Variants in SIL1 observed in about 807,000 individuals in gnomAD.
SIL1 encodes nucleotide exchange factor SIL1.
A neutral mutation model predicts 49.1 loss-of-function variants in SIL1; 40 were observed. The ratio of observed to expected loss-of-function variants is 0.81; its 90% CI spans 0.63 to 1.06. SIL1 has a LOEUF of 1.06. SIL1 is among the 50% of genes least tolerant of loss of function. The pLI, the probability that SIL1 is intolerant of heterozygous loss-of-function variation, is 0.00. For synonymous variants in SIL1, 253 were observed against 250.8 expected (o/e 1.01, Z -0.08); for missense variants, 500 against 572.6 (o/e 0.87, Z 1.29).
chr5:138,954,245 T>G (rs1766850743), intron 7 of SIL1, among the ~76,000 whole-genome samples: 1 of 152,248 alleles, frequency 6.6e-6, no homozygotes, highest in South Asian at 2.1e-4. Flanking sequence ...AAGTCTGACC[T>G]TTTGTAAATT....
intron 7 of SIL1, among the ~76,000 whole-genome samples, chr5:138,955,595 C>T (rs1766884893): frequency 6.6e-6 from 1 of 152,240 alleles, no homozygotes; most frequent in Non-Finnish European, 1.5e-5. Context: ...ACAGGGAAGG[C>T]AGCCCAGCTC....
intron 3 of SIL1, among the ~76,000 whole-genome samples, chr5:139,095,298 C>G (rs1299019164): frequency 7.0e-6 from 1 of 143,578 alleles, no homozygotes; most frequent in African/African-American, 2.6e-5. Flanking sequence ...GCATCTCACT[C>G]TGTCTCCCAG....
Position 138,947,507 on chromosome 5 carries a change from TG to T in SIL1, c.1030-35del. ...CGCCACAGCCGCAGGCCAGGTAGGG[TG>T]GGGGTGGGGAGAGAACACACAGGGA... On this transcript the variant is annotated intron_variant, in intron 9 of 9. Coordinates refer to ENST00000394817, the MANE Select transcript of SIL1 (RefSeq NM_022464.5). This position sits in a 1 kb window ranked among gnomAD's most constrained non-coding sequence, Gnocchi z 4.1. The T allele has an allele frequency of 6.3e-7, 1 of 1,589,248 alleles. No individual in the cohort carries two copies. Among genetic ancestry groups the T allele is most frequent in the South Asian group, 1.1e-5 (1 of 90,488 alleles).
At chr5:139,141,866 A>G (rs895193873) in intron 1 of SIL1, among the ~76,000 whole-genome samples, 3 of 152,260 alleles carry the variant, frequency 2.0e-5, no homozygotes, top group African/African-American at 4.8e-5. Flanking sequence ...CATTATTTTC[A>G]GCACAGAACC....
intron 4 of SIL1, among the ~76,000 whole-genome samples, chr5:139,049,671 A>G (rs1315849262): frequency 2.6e-5 from 4 of 152,132 alleles, no homozygotes; most frequent in African/African-American, 7.2e-5. Context: ...ACACACCTGT[A>G]GCCCCAGCCT....
At chr5:138,991,168 G>A (rs754400243) in intron 7 of SIL1, among the ~76,000 whole-genome samples, 4 of 152,220 alleles carry the variant, frequency 2.6e-5, no homozygotes, top group African/African-American at 4.8e-5. Flanking sequence ...GTTTTCTGGC[G>A]TGTTGGCCAG....
Position 138,951,308 on chromosome 5 carries a change from G to A in SIL1, c.892C>T (p.Arg298Cys), listed in dbSNP as rs372178659. 29 of 1,558,116 alleles carry A rather than the reference G, an allele frequency of 1.9e-5. No homozygotes were observed. The highest frequency in any genetic ancestry group is 4.7e-5 in the South Asian group (4 of 84,556). The change falls in exon 9 of 10, where the codon CGC becomes TGC. Residue 298 changes from arginine (R) to cysteine (C), a missense_variant. Transcript: ENST00000394817. The part of the protein sequence containing the change: ...KVLFALCSLL[R>C]HFPYAQRQFL... ...TGCCGCTGGGCATAGGGGAAGTGGC[G>A]CAGCAGGGAGCACAGTGCAAACAGG...
chr5:139,035,575 A>G, intron 5 of SIL1: 2 of 465,640 alleles, frequency 4.3e-6, no homozygotes, highest in South Asian at 3.3e-5. Context: ...GCCAGATACC[A>G]GCAATGATAC....
At chr5:139,106,880 A>T (rs1770724639) in intron 3 of SIL1, among the ~76,000 whole-genome samples, 1 of 152,234 alleles carries the variant, frequency 6.6e-6, no homozygotes, top group African/African-American at 2.4e-5. Context: ...AAAGGCTTGA[A>T]ATTATTTTTC....
chr5:139,081,562 C>T (rs772543195), intron 3 of SIL1, among the ~76,000 whole-genome samples: 40 of 152,286 alleles, frequency 2.6e-4, no homozygotes, highest in African/African-American at 6.0e-4. Context: ...ATGGAGCCTC[C>T]GTAGACTATG....
intron 7 of SIL1, chr5:139,013,412 AG>A (rs1200064141): frequency 3.9e-5 from 6 of 152,242 alleles, no homozygotes; most frequent in Admixed American, 3.9e-4. Context: ...ATGGCCCCTA[AG>A]CTTTGTCTCT....
chr5:139,169,267 TACA>T (rs1249895722), intron 1 of SIL1, among the ~76,000 whole-genome samples: 1 of 152,110 alleles, frequency 6.6e-6, no homozygotes, highest in East Asian at 1.9e-4. Flanking sequence ...ACCTTAAGTT[TACA>T]CCTGAGGCTG....
At chr5:139,156,981 G>T (rs1395444218) in intron 1 of SIL1, among the ~76,000 whole-genome samples, 1 of 152,184 alleles carries the variant, frequency 6.6e-6, no homozygotes, top group East Asian at 1.9e-4. Flanking sequence ...CCTGTGCCTT[G>T]CTCCTTTTCT....
chr5:139,180,737 C>T (rs181106838), intron 1 of SIL1, among the ~76,000 whole-genome samples: 34 of 152,282 alleles, frequency 2.2e-4, no homozygotes, highest in Non-Finnish European at 4.1e-4. Context: ...GTGATGAAGT[C>T]TCTGCATTTC....
At position 139,172,194 on chromosome 5, in the gene SIL1, A is replaced by T. The variant is rs546055126; in HGVS notation, c.-11+26075T>A. Among the ~76,000 whole-genome samples the T allele has an allele frequency of 2.1e-3, 314 of 152,378 alleles. 1 individual carries two copies. The highest frequency in any genetic ancestry group is 7.3e-3 in the African/African-American group (304 of 41,594). On this transcript the variant is annotated intron_variant, in intron 1 of 9. Transcript: ENST00000394817. ...TAAGTAGCAGAGAGAACATTTGAAA[A>T]TATAATGGTACAAAATTTCCCAAAT...
At chr5:138,959,887 G>C (rs1766981638) in intron 7 of SIL1, among the ~76,000 whole-genome samples, 1 of 152,220 alleles carries the variant, frequency 6.6e-6, no homozygotes, top group African/African-American at 2.4e-5. Context: ...GGCCTGCCTA[G>C]GTCAAATCCC....
At chr5:139,165,412 G>C (rs1003853583) in intron 1 of SIL1, among the ~76,000 whole-genome samples, 1 of 150,794 alleles carries the variant, frequency 6.6e-6, no homozygotes, top group African/African-American at 2.4e-5. Context: ...ACAAATGTGT[G>C]ATCTCGGCTC....
intron 1 of SIL1, among the ~76,000 whole-genome samples, chr5:139,149,911 C>T (rs765526010): frequency 6.6e-6 from 1 of 152,080 alleles, no homozygotes; most frequent in Non-Finnish European, 1.5e-5. Context: ...TAGCTCACTG[C>T]ACTGTCTTAG....
At chr5:139,042,749 G>A in intron 4 of SIL1, 30 bp from the exon 5 acceptor site, 1 of 1,599,022 alleles carries the variant, frequency 6.3e-7, no homozygotes, top group Non-Finnish European at 8.6e-7. Context: ...AGTAAAGAGG[G>A]AGGCATGGCT....
Sources: gnomAD v4.1 joint callset for allele counts (sites outside exome capture counted in the v4.1 genomes callset) on GRCh38, gnomAD v4.1.1 for gene constraint, Gnocchi (gnomAD v3.1) non-coding constraint, MANE v1.5 for transcripts, NCBI Gene and HGNC (gene_info 2026-07-23, HGNC 2026-07-21) for gene names.